DOK5: variants seen among roughly 807,000 people sequenced by gnomAD.
The protein encoded by DOK5 is docking protein 5.
A neutral mutation model predicts 43.3 loss-of-function variants in DOK5; 27 were observed. The ratio of observed to expected loss-of-function variants is 0.62; its 90% CI spans 0.46 to 0.86. DOK5 has a LOEUF of 0.86. Among genes scored for constraint, DOK5 ranks in the 40% least tolerant of loss-of-function variants. DOK5 has a pLI of 0.00. For missense variants in DOK5, 373 were observed against 392.9 expected (o/e 0.95, Z 0.43); for synonymous variants, 146 against 140.1 (o/e 1.04, Z -0.30).
chr20:54,601,442 G>T (rs1006249901), intron 5 of DOK5, among the ~76,000 whole-genome samples: 1 of 152,198 alleles, frequency 6.6e-6, no homozygotes, highest in Non-Finnish European at 1.5e-5. Context: ...TTGACTTTAT[G>T]CACATCATAA....
chr20:54,596,097 C>T (rs983358190), intron 5 of DOK5, among the ~76,000 whole-genome samples: 1 of 152,140 alleles, frequency 6.6e-6, no homozygotes, highest in Non-Finnish European at 1.5e-5. Flanking sequence ...TTATATTTTG[C>T]TTGAAACTCA....
chr20:54,616,476 TAC>T (rs1236607456), intron 6 of DOK5, among the ~76,000 whole-genome samples: 1 of 152,212 alleles, frequency 6.6e-6, no homozygotes, highest in Non-Finnish European at 1.5e-5. Flanking sequence ...AATGCTTAGA[TAC>T]ACCCAGTAGT....
intron 1 of DOK5, among the ~76,000 whole-genome samples, chr20:54,488,238 T>C (rs2146664849): frequency 6.6e-6 from 1 of 152,194 alleles, no homozygotes; most frequent in East Asian, 1.9e-4. Context: ...CAGTGTGGTG[T>C]AAAGTGAGAT....
chr20:54,614,760 T>C (rs1986753966), intron 6 of DOK5, among the ~76,000 whole-genome samples: 1 of 152,200 alleles, frequency 6.6e-6, no homozygotes, highest in African/African-American at 2.4e-5. Context: ...TGGAAATGAG[T>C]AAGCTTCAAC....
At chr20:54,617,811 T>TA (rs1220532844) in intron 6 of DOK5, among the ~76,000 whole-genome samples, 3 of 152,238 alleles carry the variant, frequency 2.0e-5, no homozygotes, top group Non-Finnish European at 4.4e-5. Context: ...TTTCCTACTT[T>TA]ATGGCACTTG....
At position 54,485,240 on chromosome 20, in the gene DOK5, G is replaced by T. The variant is rs140428715; in HGVS notation, c.66+9228G>T. On this transcript the variant is annotated intron_variant, in intron 1 of 7. Coordinates refer to ENST00000262593, the MANE Select transcript of DOK5 (RefSeq NM_018431.5). ...TGAGGCAGGAGAATCACTTGAACCC[G>T]GATGGCGGAGGTTGCAGTGAGCGGC... Among the ~76,000 whole-genome samples, 17 of 152,096 alleles carry T rather than the reference G, an allele frequency of 1.1e-4. No homozygotes were observed. In the East Asian group the frequency reaches 2.7e-3, roughly 24 times the overall value.
intron 6 of DOK5, among the ~76,000 whole-genome samples, chr20:54,616,321 A>G (rs1035402956): frequency 6.6e-6 from 1 of 152,190 alleles, no homozygotes; most frequent in South Asian, 2.1e-4. Context: ...TTTATCCTAC[A>G]TGAGATTAAC....
chr20:54,640,661 C>T (rs1979070922), intron 6 of DOK5, among the ~76,000 whole-genome samples: 1 of 152,186 alleles, frequency 6.6e-6, no homozygotes, highest in Non-Finnish European at 1.5e-5. Context: ...CTCTTGATCC[C>T]AAATCAGCTT....
intron 2 of DOK5, among the ~76,000 whole-genome samples, chr20:54,574,589 A>G (rs999627266): frequency 6.6e-6 from 1 of 152,200 alleles, no homozygotes; most frequent in African/African-American, 2.4e-5. Flanking sequence ...GTAGTTACAC[A>G]TTTTTGAAAT....
At chr20:54,489,886 A>G (rs541646921) in intron 1 of DOK5, among the ~76,000 whole-genome samples, 3 of 152,340 alleles carry the variant, frequency 2.0e-5, no homozygotes, top group South Asian at 4.1e-4. Context: ...ATTCACATGT[A>G]GAATTTCATG....
chr20:54,598,718 A>G (rs1986218144), intron 5 of DOK5, among the ~76,000 whole-genome samples: 1 of 152,230 alleles, frequency 6.6e-6, no homozygotes, highest in Non-Finnish European at 1.5e-5. Flanking sequence ...TGTGCTTTTG[A>G]CATCGTTTTA....
intron 1 of DOK5, among the ~76,000 whole-genome samples, chr20:54,553,020 G>A (rs1285214186): frequency 6.6e-6 from 1 of 152,064 alleles, no homozygotes; most frequent in Non-Finnish European, 1.5e-5. Context: ...TAGCTCAGAG[G>A]TTCTTAAACT....
At chr20:54,492,757 T>C (rs2146669749) in intron 1 of DOK5, among the ~76,000 whole-genome samples, 2 of 151,380 alleles carry the variant, frequency 1.3e-5, no homozygotes, top group Middle Eastern at 6.9e-3. Context: ...GAACAACTTT[T>C]TAAAGGATGT....
chr20:54,502,699 C>T (rs6098031), intron 1 of DOK5, among the ~76,000 whole-genome samples: 11,363 of 152,136 alleles, frequency 0.075, 1,443 homozygotes, highest in African/African-American at 0.26. Flanking sequence ...ATCCATTATT[C>T]TCTAACTACC....
At chr20:54,492,526 C>T (rs1411068518) in intron 1 of DOK5, among the ~76,000 whole-genome samples, 2 of 152,196 alleles carry the variant, frequency 1.3e-5, no homozygotes, top group East Asian at 3.9e-4. Context: ...TGGGTATACA[C>T]TCACGCATAC....
At chr20:54,505,749 T>G (rs1013872448) in intron 1 of DOK5, among the ~76,000 whole-genome samples, 1 of 152,136 alleles carries the variant, frequency 6.6e-6, no homozygotes, top group Admixed American at 6.5e-5. Context: ...CAGAGCCATG[T>G]GGACACATGA....
chr20:54,558,362 C>T (rs970036432), intron 2 of DOK5, among the ~76,000 whole-genome samples: 1 of 152,220 alleles, frequency 6.6e-6, no homozygotes, highest in Non-Finnish European at 1.5e-5. Flanking sequence ...TGGTAAGCCA[C>T]ATTCTCTTTC....
At chr20:54,484,734 C>T (rs1415010525) in intron 1 of DOK5, among the ~76,000 whole-genome samples, 2 of 152,160 alleles carry the variant, frequency 1.3e-5, no homozygotes, top group Non-Finnish European at 2.9e-5. Flanking sequence ...TAAATGGAGT[C>T]CAGGCTTGGT....
chr20:54,586,945 A>C (rs1424242728), intron 2 of DOK5, among the ~76,000 whole-genome samples: 1 of 152,024 alleles, frequency 6.6e-6, no homozygotes, highest in Non-Finnish European at 1.5e-5. Context: ...CTTTTGTCCC[A>C]CGTGCAATGG....
Sources: gnomAD v4.1 joint callset for allele counts (sites outside exome capture counted in the v4.1 genomes callset) on GRCh38, gnomAD v4.1.1 for gene constraint, MANE v1.5 for transcripts, NCBI Gene and HGNC (gene_info 2026-07-23, HGNC 2026-07-21) for gene names.